The following CHODL variants were observed in gnomAD, a reference collection of about 807,000 sequenced individuals.
The protein encoded by CHODL is transmembrane protein MT75.
CHODL carries 29 observed loss-of-function variants against 34.5 expected under a neutral mutation model. The observed-to-expected ratio is 0.84, with a 90% CI of 0.63 to 1.15. The LOEUF is 1.15. Ranked by LOEUF, CHODL falls within the 50% of genes most tolerant of loss-of-function variation. The probability of loss-of-function intolerance (pLI) is 0.00; values close to 1 mark genes in which losing one functional copy is unlikely to be tolerated. For synonymous variants in CHODL, 125 were observed against 116.1 expected (o/e 1.08, Z -0.49); for missense variants, 332 against 332.5 (o/e 1.00, Z 0.01).
At chr21:18,109,312 G>T (rs1568890894) in intron 2 of CHODL, among the ~76,000 whole-genome samples, 1 of 152,154 alleles carries the variant, frequency 6.6e-6, no homozygotes, top group Admixed American at 6.5e-5. Context: ...TAGTAGCTTA[G>T]CTTTTCTCCC....
Position 17,957,756 on chromosome 21 carries a change from T to C in CHODL, c.-145+40356T>C, listed in dbSNP as rs930589394. 2.0e-5 allele frequency among the ~76,000 whole-genome samples: 3 copies of C among 151,400 alleles called. 1 individual carries two copies. The highest frequency in any genetic ancestry group is 1.3e-4 in the Admixed American group (2 of 15,202). On this transcript the variant is annotated intron_variant, in intron 1 of 6. Coordinates refer to the CHODL transcript ENST00000400127. ...TAAAATATAAAAATAATAAAAATAA[T>C]CTCTTAGTGCAAATTAGTTCTCAAA...
At chr21:18,172,417 C>T (rs892788319) in intron 2 of CHODL, among the ~76,000 whole-genome samples, 6 of 152,136 alleles carry the variant, frequency 3.9e-5, no homozygotes, top group Non-Finnish European at 8.8e-5. Context: ...ACCTCTTTTG[C>T]CCCAATCAGT....
chr21:18,231,183 A>T (rs1430742442), intron 2 of CHODL, among the ~76,000 whole-genome samples: 1 of 152,166 alleles, frequency 6.6e-6, no homozygotes, highest in Non-Finnish European at 1.5e-5. Flanking sequence ...AGTCAATGTT[A>T]TAACAAAGTA....
chr21:18,193,103 G>A (rs1245058478), intron 2 of CHODL, among the ~76,000 whole-genome samples: 1 of 152,040 alleles, frequency 6.6e-6, no homozygotes, highest in African/African-American at 2.4e-5. Context: ...AAAATATGAA[G>A]TTTTCTTTGG....
At chr21:18,101,693 C>T (rs983484) in intron 2 of CHODL, among the ~76,000 whole-genome samples, 70,932 of 150,636 alleles carry the variant, frequency 0.47, 17,430 homozygotes, top group African/African-American at 0.53. Flanking sequence ...TTCAGTATGA[C>T]AATCTATTTC....
chr21:18,172,826 G>A (rs1057315383), intron 2 of CHODL, among the ~76,000 whole-genome samples: 3 of 152,124 alleles, frequency 2.0e-5, no homozygotes, highest in African/African-American at 7.2e-5. Context: ...GGTCAGAAAT[G>A]TGAGTACTGC....
At chr21:18,224,029 A>G (rs60306318) in intron 2 of CHODL, among the ~76,000 whole-genome samples, 27,613 of 152,010 alleles carry the variant, frequency 0.18, 3,607 homozygotes, top group African/African-American at 0.37. Context: ...AACTACTTTA[A>G]AGGGAAATCA....
intron 2 of CHODL, among the ~76,000 whole-genome samples, chr21:18,196,896 T>G (rs76005936): frequency 6.6e-6 from 1 of 152,286 alleles, no homozygotes; most frequent in African/African-American, 2.4e-5. Flanking sequence ...GGAGACCTAA[T>G]GTACAGCATA....
chr21:18,230,979 G>A (rs73316285), intron 2 of CHODL, among the ~76,000 whole-genome samples: 619 of 152,020 alleles, frequency 4.1e-3, no homozygotes, highest in African/African-American at 0.014. Flanking sequence ...TCCCTGCACA[G>A]GTGTTTCAAC....
chr21:18,256,017 G>A (rs1326986909), intron 1 of CHODL, among the ~76,000 whole-genome samples: 4 of 151,838 alleles, frequency 2.6e-5, no homozygotes, highest in East Asian at 1.9e-4. Flanking sequence ...GATTTGTTTC[G>A]GGTATAAAAA....
intron 2 of CHODL, among the ~76,000 whole-genome samples, chr21:18,171,198 G>GTTCTTTTT (rs1333481522): frequency 0.023 from 865 of 37,020 alleles, 385 homozygotes; most frequent in African/African-American, 0.12. Flanking sequence ...GTTTTCTTTA[G>GTTCTTTTT]TTTTTTTTTT....
At chr21:18,059,978 A>AC (rs1458541098) in intron 2 of CHODL, among the ~76,000 whole-genome samples, 1 of 151,866 alleles carries the variant, frequency 6.6e-6, no homozygotes, top group East Asian at 1.9e-4. Context: ...TATTCCACTG[A>AC]CCCATTATCT....
At chr21:18,148,391 C>A (rs199850468) in intron 2 of CHODL, among the ~76,000 whole-genome samples, 1 of 151,982 alleles carries the variant, frequency 6.6e-6, no homozygotes, top group East Asian at 1.9e-4. Context: ...GAGTACAGCA[C>A]TTCCATTTAA....
intron 2 of CHODL, among the ~76,000 whole-genome samples, chr21:18,168,294 A>C (rs2073182932): frequency 6.6e-6 from 1 of 152,158 alleles, no homozygotes; most frequent in Non-Finnish European, 1.5e-5. Context: ...GTGTACAACT[A>C]TCCTATTAGG....
intron 1 of CHODL, among the ~76,000 whole-genome samples, chr21:18,253,358 C>T (rs2074280447): frequency 6.6e-6 from 1 of 151,778 alleles, no homozygotes; most frequent in Non-Finnish European, 1.5e-5. Flanking sequence ...GCAAAACAAT[C>T]TTCTTAGGGA....
intron 2 of CHODL, among the ~76,000 whole-genome samples, chr21:18,169,616 T>C (rs1258970407): frequency 6.6e-6 from 1 of 152,084 alleles, no homozygotes; most frequent in Non-Finnish European, 1.5e-5. Flanking sequence ...TTATTTCTGC[T>C]GTAATCTTTA....
At chr21:18,025,813 C>T (rs903568119) in intron 1 of CHODL, among the ~76,000 whole-genome samples, 4 of 152,212 alleles carry the variant, frequency 2.6e-5, no homozygotes, top group African/African-American at 7.2e-5. Context: ...TCATCTTCCA[C>T]GGTCTTTCCT....
chr21:17,959,869 T>C (rs1042983422), intron 1 of CHODL, among the ~76,000 whole-genome samples: 7 of 152,328 alleles, frequency 4.6e-5, no homozygotes, highest in African/African-American at 1.4e-4. Flanking sequence ...AGTGTAATTA[T>C]ATTTATAATT....
At chr21:18,203,835 A>G (rs2073682668) in intron 2 of CHODL, among the ~76,000 whole-genome samples, 1 of 152,158 alleles carries the variant, frequency 6.6e-6, no homozygotes, top group Non-Finnish European at 1.5e-5. Context: ...TAACCTGGGA[A>G]GTTTGAACCA....
Sources: allele counts gnomAD v4.1 joint callset (sites outside exome capture counted in the v4.1 genomes callset), GRCh38; gene constraint gnomAD v4.1.1; transcripts MANE v1.5; gene names NCBI Gene and HGNC (gene_info 2026-07-23, HGNC 2026-07-21).